The following SLC1A2 variants were observed in gnomAD, a reference collection of about 807,000 sequenced individuals.
SLC1A2 encodes solute carrier family 1 member 2.
SLC1A2 carries 15 observed loss-of-function variants against 48.8 expected under a neutral mutation model. The observed-to-expected ratio is 0.31, with a 90% confidence interval of 0.21 to 0.47. The LOEUF (loss-of-function observed/expected upper bound fraction) is 0.47. SLC1A2 is among the 20% of genes least tolerant of loss of function. The pLI, the probability that SLC1A2 is intolerant of heterozygous loss-of-function variation, is 0.99. For missense variants in SLC1A2, 502 were observed against 730.5 expected, an observed-to-expected ratio of 0.69 and a Z score of 3.61; for synonymous variants, 279 against 272.6, an observed-to-expected ratio of 1.02 and a Z score of -0.23.
intron 1 of SLC1A2, among the ~76,000 whole-genome samples, chr11:35,405,130 A>G (rs1229471798): frequency 1.2e-4 from 18 of 152,176 alleles, no homozygotes; most frequent in Admixed American, 1.2e-3. Context: ...TTATCCCACC[A>G]GGATGCAATA....
In SLC1A2 at chr11:35,257,916, C is replaced by T. The variant is rs1256848750; in HGVS notation, c.*2978G>A. The T allele has an allele frequency of 6.6e-6, 1 of 152,130 alleles. No individual in the cohort carries two copies. The allele number at this position is 152,130 out of a possible 1,614,324, so 9.4% of individuals were successfully genotyped here. On this transcript the variant is annotated 3_prime_UTR_variant, in exon 11 of 11. Transcript: ENST00000278379. ...TTATGCATTATCAAATAGTAACAGA[C>T]TATTACAAGCATTCATATATATGTT...
chr11:35,416,494 A>G (rs1300746992), intron 1 of SLC1A2, among the ~76,000 whole-genome samples: 1 of 152,248 alleles, frequency 6.6e-6, no homozygotes, highest in Non-Finnish European at 1.5e-5. Context: ...TTAAACAAAC[A>G]TAAGATGTCA....
Position 35,364,694 on chromosome 11 carries a change from T to G in SLC1A2, c.18-47178A>C, listed in dbSNP as rs146750829. On this transcript the variant is annotated intron_variant, in intron 1 of 10. Coordinates refer to ENST00000278379, the MANE Select transcript of SLC1A2 (RefSeq NM_004171.4). ...AAATGGAGATAATCAGGATACCTAT[T>G]GTAGTCATAGGTTAATACATACACA... is the stretch of plus-strand genomic sequence containing the variant. Among the ~76,000 whole-genome samples, 868 of 152,344 alleles carry G rather than the reference T, an allele frequency of 5.7e-3. 12 individuals are homozygous for G. The highest frequency in any genetic ancestry group is 0.02 in the African/African-American group (824 of 41,586).
At chr11:35,414,159 CA>C (rs1855542320) in intron 1 of SLC1A2, among the ~76,000 whole-genome samples, 1 of 152,104 alleles carries the variant, frequency 6.6e-6, no homozygotes, top group African/African-American at 2.4e-5. Context: ...CAACAGTGGT[CA>C]TATCTGTTTA....
chr11:35,373,138 C>T (rs573456592), intron 1 of SLC1A2, among the ~76,000 whole-genome samples: 1 of 152,346 alleles, frequency 6.6e-6, no homozygotes, highest in African/African-American at 2.4e-5. Flanking sequence ...GGCACTGGGG[C>T]ACCTTCTCTC....
intron 1 of SLC1A2, among the ~76,000 whole-genome samples, chr11:35,384,721 A>C (rs1854532214): frequency 1.3e-5 from 2 of 152,232 alleles, no homozygotes; most frequent in Non-Finnish European, 2.9e-5. Context: ...GAGTATCATC[A>C]CAGAAGTTTG....
In SLC1A2 at chr11:35,312,345, C is replaced by T. The variant is rs762872337; in HGVS notation, c.414G>A (p.Leu138=). 6.2e-7 allele frequency: 1 copy of T among 1,614,014 alleles called. No individual in the cohort carries two copies. Among genetic ancestry groups the T allele is most frequent in the African/African-American group, 1.3e-5 (1 of 74,896 alleles). The part of the protein sequence containing the change: ...TIIAAVLGVI[L]VLAIHPGNPK... ...GATTGCCTGGATGGATAGCCAAGAC[C>T]AGAATGACCCCCAGTACTGCAGCAA... is the stretch of plus-strand genomic sequence containing the variant. The change falls in exon 4 of 11, where the codon CTG becomes CTA. Residue 138 remains leucine (L), a synonymous_variant. Coordinates refer to ENST00000278379, the MANE Select transcript of SLC1A2 (RefSeq NM_004171.4).
intron 1 of SLC1A2, among the ~76,000 whole-genome samples, chr11:35,361,971 C>A (rs946787518): frequency 6.6e-6 from 1 of 152,142 alleles, no homozygotes; most frequent in Non-Finnish European, 1.5e-5. Flanking sequence ...CACAGTGAGA[C>A]CCTGTCTCAA....
chr11:35,306,090 A>G lies in SLC1A2; in HGVS notation c.714T>C (p.Asp238=). The G allele has an allele frequency of 4.3e-6, 7 of 1,613,812 alleles. No homozygotes were observed. The highest frequency in any genetic ancestry group is 3.4e-6 in the Non-Finnish European group (4 of 1,179,818). The change falls in exon 5 of 11, where the codon GAT becomes GAC. Residue 238 remains aspartate (D), a synonymous_variant. Coordinates refer to ENST00000278379, the MANE Select transcript of SLC1A2 (RefSeq NM_004171.4). ...MVIKKGLEFK[D]GMNVLGLIGF... ...CTGGCCTACCTAAGACGTTCATCCC[A>G]TCCTTGAACTCCAGGCCCTTCTTGA...
intron 1 of SLC1A2, among the ~76,000 whole-genome samples, chr11:35,401,914 C>T (rs1855151212): frequency 6.6e-6 from 1 of 152,148 alleles, no homozygotes. Context: ...ATGCTCCTGC[C>T]TAGTGGCTGC....
At chr11:35,286,973 G>A in intron 7 of SLC1A2, 22 bp from the exon 8 acceptor site, 16 of 1,602,022 alleles carry the variant, frequency 1.0e-5, no homozygotes, top group Non-Finnish European at 1.4e-5. Context: ...GAGAAAGAGA[G>A]AGACAGGGTT....
At chr11:35,325,141 G>A (rs979879137) in intron 1 of SLC1A2, among the ~76,000 whole-genome samples, 3 of 152,150 alleles carry the variant, frequency 2.0e-5, no homozygotes, top group Non-Finnish European at 4.4e-5. Context: ...TTTTGAGCCG[G>A]GGCAACTTGG....
chr11:35,312,374 T>C lies in SLC1A2; in HGVS notation c.385A>G (p.Ile129Val). 6.2e-7 allele frequency: 1 copy of C among 1,614,138 alleles called. No homozygotes were observed. Among genetic ancestry groups the C allele is most frequent in the East Asian group, 2.2e-5 (1 of 44,882 alleles). ...RAMVYYMSTT[I>V]IAAVLGVILV... ...ATGACCCCCAGTACTGCAGCAATGATGGTCGTGGACATGTAATACACCATG... is the reference window on the plus strand; with the variant it reads ...ATGACCCCCAGTACTGCAGCAATGACGGTCGTGGACATGTAATACACCATG... Residue 129 changes from isoleucine to valine, a missense_variant, in exon 4 of 11, where the codon ATC becomes GTC. By Grantham distance (29) the Ile-to-Val change is conservative. Around this residue, in one of 4 missense-constraint regions of SLC1A2, gnomAD observed 309 missense variants for 480.3 expected, o/e 0.64. Coordinates refer to ENST00000278379, the MANE Select transcript of SLC1A2 (RefSeq NM_004171.4).
chr11:35,279,849 A>T (rs1433742400), intron 9 of SLC1A2, among the ~76,000 whole-genome samples: 7 of 152,220 alleles, frequency 4.6e-5, no homozygotes, highest in Admixed American at 4.6e-4. Flanking sequence ...TGAACACTCA[A>T]ATTCAGTAAC....
At chr11:35,392,868 G>A (rs1436842299) in intron 1 of SLC1A2, among the ~76,000 whole-genome samples, 1 of 152,152 alleles carries the variant, frequency 6.6e-6, no homozygotes, top group Admixed American at 6.5e-5. Context: ...TCAACTTTAG[G>A]TGTTTCAGGG....
At chr11:35,267,232 C>T (rs1055182447) in intron 9 of SLC1A2, among the ~76,000 whole-genome samples, 9 of 152,138 alleles carry the variant, frequency 5.9e-5, no homozygotes, top group African/African-American at 1.9e-4. Context: ...AGAAAAAGCA[C>T]GAACTTTAGA....
intron 1 of SLC1A2, among the ~76,000 whole-genome samples, chr11:35,348,582 A>G (rs1480184673): frequency 6.6e-6 from 1 of 152,128 alleles, no homozygotes; most frequent in Non-Finnish European, 1.5e-5. Flanking sequence ...GTAGGCACAC[A>G]TCAGCACTAC....
At chr11:35,276,202 T>C (rs1021484833) in intron 9 of SLC1A2, among the ~76,000 whole-genome samples, 5 of 152,166 alleles carry the variant, frequency 3.3e-5, no homozygotes, top group Non-Finnish European at 5.9e-5. Context: ...ATTTTACACA[T>C]GATGTAGCTG....
At chr11:35,339,200 C>T (rs3847619) in intron 1 of SLC1A2, among the ~76,000 whole-genome samples, 53,965 of 152,024 alleles carry the variant, frequency 0.35, 10,071 homozygotes, top group South Asian at 0.54. Context: ...TGGGGAGAAA[C>T]TTGACCTCCC....
Sources: gnomAD v4.1 joint callset for allele counts (sites outside exome capture counted in the v4.1 genomes callset) on GRCh38, gnomAD v4.1.1 for gene constraint, gnomAD v4.1.1 regional missense constraint, MANE v1.5 for transcripts, NCBI Gene and HGNC (gene_info 2026-07-23, HGNC 2026-07-21) for gene names.